The following KCNT2 variants were observed in gnomAD, a reference collection of about 807,000 sequenced individuals.
KCNT2 encodes the protein potassium sodium-activated channel subfamily T member 2, also known as potassium channel subfamily T member 2.
Under a neutral mutation model 153.8 loss-of-function variants are expected in KCNT2, and 67 were observed. That is an observed-to-expected ratio of 0.44 (90% CI 0.36 to 0.53). KCNT2 has a LOEUF of 0.53. Ranked by LOEUF, KCNT2 falls within the 20% of genes least tolerant of loss-of-function variation. KCNT2 has a pLI of 0.00. For missense variants in KCNT2, 975 were observed against 1,354.8 expected, an observed-to-expected ratio of 0.72 and a Z score of 4.40; for synonymous variants, 500 against 458.8, an observed-to-expected ratio of 1.09 and a Z score of -1.15.
intron 1 of KCNT2, among the ~76,000 whole-genome samples, chr1:196,603,961 T>C (rs971986992): frequency 3.9e-5 from 6 of 152,224 alleles, no homozygotes; most frequent in African/African-American, 1.4e-4. Context: ...CTCTAAATCT[T>C]TACTGCTTTG....
chr1:196,545,879 C>T (rs1000869807), intron 1 of KCNT2, among the ~76,000 whole-genome samples: 2 of 151,852 alleles, frequency 1.3e-5, no homozygotes, highest in African/African-American at 2.4e-5. Context: ...CATATTGTAC[C>T]TTGTATCATA....
intron 13 of KCNT2, among the ~76,000 whole-genome samples, chr1:196,379,430 G>T (rs1391642735): frequency 6.6e-6 from 1 of 152,054 alleles, no homozygotes; most frequent in Admixed American, 6.6e-5. Flanking sequence ...AAATTAGCCA[G>T]GCGTGGTTGT....
chr1:196,327,647 T>A (rs1467040579), intron 18 of KCNT2, among the ~76,000 whole-genome samples: 1 of 149,894 alleles, frequency 6.7e-6, no homozygotes, highest in Non-Finnish European at 1.5e-5. Flanking sequence ...GGAACATTTA[T>A]CACCTCTGGA....
intron 8 of KCNT2, among the ~76,000 whole-genome samples, chr1:196,433,385 C>T (rs1333291149): frequency 6.6e-6 from 1 of 151,894 alleles, no homozygotes; most frequent in African/African-American, 2.4e-5. Context: ...TATAAAAGAC[C>T]ACATGTTGTA....
chr1:196,388,521 C>A (rs1670197130), intron 13 of KCNT2, among the ~76,000 whole-genome samples: 2 of 151,052 alleles, frequency 1.3e-5, no homozygotes, highest in East Asian at 1.9e-4. Context: ...ATCTTTTAAC[C>A]CTTGAAGTAA....
chr1:196,389,612 A>C (rs1391820181), intron 13 of KCNT2, among the ~76,000 whole-genome samples: 4 of 151,826 alleles, frequency 2.6e-5, no homozygotes, highest in East Asian at 3.9e-4. Flanking sequence ...CAAAGTTCTA[A>C]GATGTCAAAC....
At chr1:196,282,448 C>A in intron 23 of KCNT2, 92 bp from the exon 24 acceptor site, 1 of 603,172 alleles carries the variant, frequency 1.7e-6, no homozygotes, top group Non-Finnish European at 2.9e-6. Context: ...GAACATCTGA[C>A]TTCTAAAAGA....
At chr1:196,491,122 T>C (rs1489971508) in intron 2 of KCNT2, among the ~76,000 whole-genome samples, 2 of 152,048 alleles carry the variant, frequency 1.3e-5, no homozygotes, top group African/African-American at 4.8e-5. Flanking sequence ...TGCAGCTGAC[T>C]ATGGGTGAAG....
intron 12 of KCNT2, among the ~76,000 whole-genome samples, chr1:196,404,808 A>C (rs1671697455): frequency 6.6e-6 from 1 of 151,676 alleles, no homozygotes; most frequent in South Asian, 2.1e-4. Flanking sequence ...CCCAGAACCT[A>C]GCATTCATTT....
chr1:196,444,240 A>G (rs1185805433), intron 8 of KCNT2, among the ~76,000 whole-genome samples: 2 of 151,418 alleles, frequency 1.3e-5, no homozygotes, highest in Admixed American at 1.3e-4. Flanking sequence ...TCTGACTTTA[A>G]TATTAGAAAG....
At chr1:196,375,025 T>C (rs1668839569) in intron 13 of KCNT2, among the ~76,000 whole-genome samples, 1 of 151,734 alleles carries the variant, frequency 6.6e-6, no homozygotes, top group African/African-American at 2.4e-5. Context: ...TGTGAGAAAA[T>C]GTGATGGATG....
intron 1 of KCNT2, among the ~76,000 whole-genome samples, chr1:196,585,507 C>A: frequency 2.0e-5 from 3 of 151,910 alleles, no homozygotes; most frequent in African/African-American, 7.2e-5. Flanking sequence ...TCCACTCAGT[C>A]GATAATTCAA....
At chr1:196,533,233 C>T (rs1255321552) in intron 1 of KCNT2, among the ~76,000 whole-genome samples, 3 of 151,986 alleles carry the variant, frequency 2.0e-5, no homozygotes, top group Non-Finnish European at 4.4e-5. Flanking sequence ...TAAGAGAAAG[C>T]TATTGATGTA....
chr1:196,449,814 A>ATT (rs2148614964), intron 8 of KCNT2, among the ~76,000 whole-genome samples: 1 of 151,852 alleles, frequency 6.6e-6, no homozygotes, highest in East Asian at 1.9e-4. Context: ...ACTAATAAAG[A>ATT]AAAAAGAATA....
At chr1:196,333,041 C>T (rs908738798) in intron 17 of KCNT2, among the ~76,000 whole-genome samples, 10 of 151,712 alleles carry the variant, frequency 6.6e-5, no homozygotes, top group African/African-American at 1.2e-4. Context: ...CCTGCCATCT[C>T]GGCCTTCCAA....
At chr1:196,582,366 G>C (rs1003051489) in intron 1 of KCNT2, 1 of 153,942 alleles carries the variant, frequency 6.5e-6, no homozygotes, top group Non-Finnish European at 1.5e-5. Flanking sequence ...GTTCTCTTAA[G>C]GAGCTAAAGA....
chr1:196,325,695 A>G (rs1663777246), intron 19 of KCNT2, among the ~76,000 whole-genome samples: 1 of 152,128 alleles, frequency 6.6e-6, no homozygotes, highest in Non-Finnish European at 1.5e-5. Context: ...CTTAGATGCC[A>G]AAGAAGTATA....
chr1:196,561,717 C>T (rs1321909361), intron 1 of KCNT2, among the ~76,000 whole-genome samples: 1 of 126,208 alleles, frequency 7.9e-6, no homozygotes, highest in African/African-American at 2.8e-5. Context: ...ATGCTCGTTA[C>T]ACAGCCTCAG....
chr1:196,549,277 A>G (rs1016258650), intron 1 of KCNT2, among the ~76,000 whole-genome samples: 3 of 151,850 alleles, frequency 2.0e-5, no homozygotes, highest in Non-Finnish European at 4.4e-5. Flanking sequence ...TTACACATGG[A>G]CCCTAAGTAT....
Sources: gnomAD v4.1 joint callset for allele counts (sites outside exome capture counted in the v4.1 genomes callset) on GRCh38, gnomAD v4.1.1 for gene constraint, MANE v1.5 for transcripts, NCBI Gene and HGNC (gene_info 2026-07-23, HGNC 2026-07-21) for gene names.